Variants in PCDHGB2 observed in about 807,000 individuals in gnomAD.
PCDHGB2 encodes the protein protocadherin gamma-B2.
PCDHGB2 carries 55 observed loss-of-function variants against 59.3 expected under a neutral mutation model. That is an observed-to-expected ratio of 0.93 (90% CI 0.75 to 1.16). The LOEUF (loss-of-function observed/expected upper bound fraction) is 1.16. Ranked by LOEUF, PCDHGB2 falls within the 50% of genes most tolerant of loss-of-function variation. The pLI is 0.00. For missense variants in PCDHGB2, 1,228 were observed against 1,198.5 expected (o/e 1.02, Z -0.36); for synonymous variants, 516 against 512.0 (o/e 1.01, Z -0.11).
chr5:141,402,451 G>A (rs2094267451), intron 1 of PCDHGB2, among the ~76,000 whole-genome samples: 1 of 152,016 alleles, frequency 6.6e-6, no homozygotes. Context: ...AATTATAATA[G>A]TTTACATATC....
In PCDHGB2 at chr5:141,418,608, GC is replaced by G. The variant is rs1422456031; in HGVS notation, c.2421+56054del. On this transcript the variant is annotated intron_variant, in intron 1 of 3. Transcript: ENST00000522605. Reference sequence around the variant, plus strand: ...TTCAGCCAGGACGTGTACAGGGTTAGCCTTCGGGAAGACGTGCCTCCAGGCA... The same window carrying G: ...TTCAGCCAGGACGTGTACAGGGTTAGCTTCGGGAAGACGTGCCTCCAGGCA... 4 of 1,613,922 alleles carry G rather than the reference GC, an allele frequency of 2.5e-6. No individual in the cohort carries two copies. In the African/African-American group the frequency reaches 5.3e-5, roughly 22 times the overall value.
chr5:141,407,618 T>C (rs2094961239), intron 1 of PCDHGB2, among the ~76,000 whole-genome samples: 1 of 152,204 alleles, frequency 6.6e-6, no homozygotes, highest in South Asian at 2.1e-4. Context: ...TTGGTTGACA[T>C]TCTATATCTC....
chr5:141,509,442 T>C (rs1473514859), intron 3 of PCDHGB2, among the ~76,000 whole-genome samples: 3 of 152,008 alleles, frequency 2.0e-5, no homozygotes, highest in Non-Finnish European at 2.9e-5. Flanking sequence ...TGTTTCCTCC[T>C]CTCCCACCCC....
intron 1 of PCDHGB2, chr5:141,418,984 C>T: frequency 6.2e-7 from 1 of 1,613,930 alleles, no homozygotes; most frequent in African/African-American, 1.3e-5. Flanking sequence ...GGGACCAAGA[C>T]TCAGGGGAAA....
chr5:141,421,043 C>G (rs1201118615), intron 1 of PCDHGB2: 2 of 548,238 alleles, frequency 3.6e-6, no homozygotes, highest in Non-Finnish European at 6.3e-6. Flanking sequence ...CCTCCCTCCC[C>G]CGCCTCTACC....
chr5:141,450,555 C>T (rs958577638), intron 1 of PCDHGB2, among the ~76,000 whole-genome samples: 4 of 151,710 alleles, frequency 2.6e-5, no homozygotes, highest in East Asian at 1.9e-4. Flanking sequence ...GGCGCAGTCT[C>T]GGCTCACTGC....
intron 1 of PCDHGB2, among the ~76,000 whole-genome samples, chr5:141,461,233 G>T (rs2099011336): frequency 6.6e-6 from 1 of 152,028 alleles, no homozygotes; most frequent in East Asian, 1.9e-4. Context: ...CATAGAGGTT[G>T]TACTAATTTA....
At chr5:141,498,980 GGAAGGAA>G in intron 2 of PCDHGB2, among the ~76,000 whole-genome samples, 1 of 44,970 alleles carries the variant, frequency 2.2e-5, no homozygotes, top group South Asian at 1.0e-3. Context: ...AGGGAAGGAA[GGAAGGAA>G]GGAAGGAAGG....
At chr5:141,390,012 G>A (rs370865188) in intron 1 of PCDHGB2, 2 of 1,614,034 alleles carry the variant, frequency 1.2e-6, no homozygotes, top group South Asian at 2.2e-5. Context: ...TCTGGCCATT[G>A]CCTTGCGCCT....
intron 1 of PCDHGB2, chr5:141,383,703 C>A: frequency 2.5e-6 from 4 of 1,613,964 alleles, no homozygotes; most frequent in Non-Finnish European, 3.4e-6. Flanking sequence ...ATGCTATCGA[C>A]CTGGACGAGG....
chr5:141,477,169 G>A lies in PCDHGB2; in HGVS notation c.2422-17638G>A. 6.2e-7 allele frequency: 1 copy of A among 1,614,198 alleles called. No individual in the cohort carries two copies. The highest frequency in any genetic ancestry group is 8.5e-7 in the Non-Finnish European group (1 of 1,180,042). The stretch of plus-strand genomic sequence containing the variant: ...TGGATGTGAATGACAACGCCCCGGA[G>A]ATCACAGTCACCTCCGTGTACAGCC... On this transcript the variant is annotated intron_variant, in intron 1 of 3. Transcript: ENST00000522605. The surrounding 1 kb of genome is among the most constrained non-coding windows in gnomAD (Gnocchi z 4.9).
At chr5:141,506,130 GAGA>G (rs560751517) in intron 3 of PCDHGB2, among the ~76,000 whole-genome samples, 2 of 152,170 alleles carry the variant, frequency 1.3e-5, no homozygotes, top group Admixed American at 1.3e-4. Context: ...CCCAGAGCAG[GAGA>G]AGAAGAATAT....
In PCDHGB2 at chr5:141,489,088, G is replaced by GGCA; in HGVS notation, c.2422-5719_2422-5718insGCA. The GGCA allele has an allele frequency of 2.9e-6, 1 of 347,238 alleles. No individual in the cohort carries two copies. Among genetic ancestry groups the GGCA allele is most frequent in the Non-Finnish European group, 5.0e-6 (1 of 200,706 alleles). The allele number at this position is 347,238 out of a possible 1,614,324, so 21.5% of individuals were successfully genotyped here. A position where few individuals can be genotyped will look rare whatever the true frequency, so the allele number is the denominator to read the frequency against. The stretch of plus-strand genomic sequence containing the variant: ...CCCCTGCCCACCCCCGCCACTCGGT[G>GGCA]ACTAAGAACTGCTGCAAGCAGGCAA... On this transcript the variant is annotated intron_variant, in intron 1 of 3. Coordinates refer to ENST00000522605, the MANE Select transcript of PCDHGB2 (RefSeq NM_018923.3). This position sits in a 1 kb window ranked among gnomAD's most constrained non-coding sequence, Gnocchi z 4.5.
intron 1 of PCDHGB2, chr5:141,366,784 A>C (rs749444374): frequency 6.3e-7 from 1 of 1,579,152 alleles, no homozygotes; most frequent in Non-Finnish European, 8.6e-7. Context: ...GATGACCAGA[A>C]CATTTTCATT....
chr5:141,433,358 C>T (rs974347696), intron 1 of PCDHGB2: 20 of 503,934 alleles, frequency 4.0e-5, no homozygotes, highest in African/African-American at 3.1e-4. Flanking sequence ...CTACTGTCTG[C>T]CTATCTATCT....
chr5:141,390,053 C>G, intron 1 of PCDHGB2: 1 of 1,614,066 alleles, frequency 6.2e-7, no homozygotes, highest in Non-Finnish European at 8.5e-7. Context: ...CCTCCTGGAG[C>G]TGCTTCCAGC....
intron 1 of PCDHGB2, chr5:141,430,745 T>C (rs377018529): frequency 1.3e-4 from 191 of 1,499,634 alleles, no homozygotes; most frequent in Non-Finnish European, 1.7e-4. Context: ...AAAATAATTC[T>C]GGAGGAAGAT....
Position 141,420,255 on chromosome 5 carries a change from A to T in PCDHGB2, c.2421+57699A>T, listed in dbSNP as rs917458059. The T allele has an allele frequency of 2.5e-6, 4 of 1,569,630 alleles. No homozygotes were observed. The highest frequency in any genetic ancestry group is 1.4e-5 in the African/African-American group (1 of 73,152). On this transcript the variant is annotated intron_variant, in intron 1 of 3. Coordinates refer to ENST00000522605, the MANE Select transcript of PCDHGB2 (RefSeq NM_018923.3). ...ATTTTAACTCCCAGCGTTGAAGCAG[A>T]TAAGAAGATTCTTAAACAGGTAAGT...
Position 141,511,178 on chromosome 5 carries a change from G to A in PCDHGB2, c.*5G>A. The A allele has an allele frequency of 6.2e-7, 1 of 1,614,090 alleles. No homozygotes were observed. Among genetic ancestry groups the A allele is most frequent in the South Asian group, 1.1e-5 (1 of 91,074 alleles). On this transcript the variant is annotated 3_prime_UTR_variant, in exon 4 of 4. Coordinates refer to ENST00000522605, the MANE Select transcript of PCDHGB2 (RefSeq NM_018923.3). ...GGCAAGAAGGAGAAGAAGTAACATG[G>A]AGGCCAGGCCAAGAGCCACAGGGCG...
Sources: gnomAD v4.1 joint callset for allele counts (sites outside exome capture counted in the v4.1 genomes callset) on GRCh38, gnomAD v4.1.1 for gene constraint, Gnocchi (gnomAD v3.1) non-coding constraint, MANE v1.5 for transcripts, NCBI Gene and HGNC (gene_info 2026-07-23, HGNC 2026-07-21) for gene names.